Variants in SDAD1 observed in about 807,000 individuals in gnomAD.
SDAD1 encodes the protein protein SDA1 homolog.
SDAD1 carries 79 observed loss-of-function variants against 100.3 expected under a neutral mutation model. That is an observed-to-expected ratio of 0.79 (90% CI 0.66 to 0.95). SDAD1 has a LOEUF of 0.95. SDAD1 is among the 40% of genes least tolerant of loss of function. SDAD1 has a pLI of 0.00. For missense variants in SDAD1, 790 were observed against 810.9 expected (o/e 0.97, Z 0.31); for synonymous variants, 267 against 271.4 (o/e 0.98, Z 0.16).
intron 1 of SDAD1, 123 bp downstream of exon 1, chr4:75,990,629 C>T (rs1410710520): frequency 1.0e-5 from 16 of 1,594,618 alleles, no homozygotes; most frequent in African/African-American, 1.3e-5. Context: ...TCTGGAGGGA[C>T]CCCTGAACCT....
At position 75,961,248 on chromosome 4, in the gene SDAD1, G is replaced by C. The variant is rs772691754; in HGVS notation, c.1242C>G (p.Leu414=). The C allele has an allele frequency of 3.1e-6, 5 of 1,613,910 alleles. No homozygotes were observed. The highest frequency in any genetic ancestry group is 3.3e-5 in the Admixed American group (2 of 59,994). The stretch of plus-strand genomic sequence containing the variant: ...GTGTTTTATACTGAGCCAGGTCTTG[G>C]AGAAGTTCTTCAGTCATGGCCAGAG... ...RCPLAMTEEL[L]QDLAQYKTHK... The change falls in exon 15 of 22, where the codon CTC becomes CTG. Residue 414 remains leucine (L), a synonymous_variant. Transcript: ENST00000356260.
At chr4:75,979,569 A>G (rs1730372065) in intron 3 of SDAD1, among the ~76,000 whole-genome samples, 1 of 151,282 alleles carries the variant, frequency 6.6e-6, no homozygotes, top group Non-Finnish European at 1.5e-5. Context: ...AATTCTCCTG[A>G]CTGAGCCTCC....
At chr4:75,955,529 C>T (rs548410570) in intron 21 of SDAD1, among the ~76,000 whole-genome samples, 1 of 152,308 alleles carries the variant, frequency 6.6e-6, no homozygotes, top group African/African-American at 2.4e-5. Flanking sequence ...TGTGACTGCA[C>T]CACTGCACTC....
intron 21 of SDAD1, among the ~76,000 whole-genome samples, chr4:75,951,531 A>C (rs3796483): frequency 6.6e-6 from 1 of 152,018 alleles, no homozygotes; most frequent in Non-Finnish European, 1.5e-5. Context: ...GTGAACATGA[A>C]GAATGAAAGC....
At chr4:75,974,394 G>A in intron 6 of SDAD1, among the ~76,000 whole-genome samples, 1 of 127,780 alleles carries the variant, frequency 7.8e-6, no homozygotes, top group South Asian at 2.6e-4. Context: ...TAGGAAGCTA[G>A]TCAAGTGCAA....
intron 12 of SDAD1, 152 bp downstream of exon 12, chr4:75,967,125 T>C (rs1030039442): frequency 1.0e-5 from 7 of 684,246 alleles, no homozygotes; most frequent in South Asian, 2.1e-5. Context: ...GACAAACCCA[T>C]AGCAAACTCT....
chr4:75,977,697 C>T lies in SDAD1; in HGVS notation c.354G>A (p.Leu118=). Residue 118 remains leucine, a synonymous_variant, in exon 4 of 22, where the codon CTG becomes CTA. Transcript: ENST00000356260. ...RNKNLINPSS[L]LELFFELFRC... is the part of the protein sequence containing the mutation. ...GAAAAAGTTCAAAGAAGAGTTCTAG[C>T]AGGCTTGATGGATTGATGAGATTCT... 1 of 1,613,574 alleles carries T rather than the reference C, an allele frequency of 6.2e-7. No homozygotes were observed. The highest frequency in any genetic ancestry group is 1.7e-5 in the Admixed American group (1 of 59,970).
At chr4:75,990,679 T>G (rs751950780) in intron 1 of SDAD1, 73 bp downstream of exon 1, 23 of 1,607,694 alleles carry the variant, frequency 1.4e-5, no homozygotes, top group Non-Finnish European at 1.9e-5. Flanking sequence ...CCAGCCCCAC[T>G]CCATGCTTTC....
In SDAD1 at chr4:75,983,414, G is replaced by A. The variant is rs576078098; in HGVS notation, c.91-1377C>T. Among the ~76,000 whole-genome samples the A allele has an allele frequency of 3.3e-5, 5 of 152,322 alleles. No individual in the cohort carries two copies. In the South Asian group the frequency reaches 1.0e-3, roughly 32 times the overall value. ...ACTAATTTACACTCCCACCAACAGT[G>A]TAAAAGAGTTCCTATTTCTCCACAT... On this transcript the variant is annotated intron_variant, in intron 1 of 21. Coordinates refer to ENST00000356260, the MANE Select transcript of SDAD1 (RefSeq NM_018115.4).
chr4:75,957,979 G>A, intron 17 of SDAD1, 38 bp from the exon 18 acceptor site: 1 of 1,513,360 alleles, frequency 6.6e-7, no homozygotes. Flanking sequence ...GCCATTTTAT[G>A]TTGCACATTC....
At chr4:75,969,456 A>G (rs918468474) in intron 10 of SDAD1, 57 bp from the exon 11 acceptor site, 13 of 1,156,884 alleles carry the variant, frequency 1.1e-5, no homozygotes, top group Admixed American at 8.8e-5. Flanking sequence ...TGTGACATTT[A>G]TGTAACAGGC....
chr4:75,965,465 G>T (rs1729483550), intron 13 of SDAD1, among the ~76,000 whole-genome samples: 1 of 151,978 alleles, frequency 6.6e-6, no homozygotes, highest in African/African-American at 2.4e-5. Context: ...TGATCTCTGT[G>T]ACCCACACTC....
At chr4:75,970,197 T>C (rs1729784955) in intron 10 of SDAD1, 112 bp downstream of exon 10, 1 of 822,664 alleles carries the variant, frequency 1.2e-6, no homozygotes, top group Non-Finnish European at 2.0e-6. Flanking sequence ...TAAGCATTTA[T>C]TGACTATCTA....
At chr4:75,980,002 ATTAAT>A (rs61421221) in intron 3 of SDAD1, among the ~76,000 whole-genome samples, 35,273 of 151,814 alleles carry the variant, frequency 0.23, 4,738 homozygotes, top group East Asian at 0.5. Context: ...TGGCATATAT[ATTAAT>A]TTAATAATGC....
intron 8 of SDAD1, among the ~76,000 whole-genome samples, chr4:75,971,846 T>C (rs572763934): frequency 6.6e-6 from 1 of 152,056 alleles, no homozygotes; most frequent in South Asian, 2.1e-4. Context: ...CACTCCAGCC[T>C]GTCTCAAAAA....
intron 3 of SDAD1, among the ~76,000 whole-genome samples, chr4:75,979,434 G>A (rs1041687542): frequency 2.6e-5 from 4 of 151,752 alleles, no homozygotes; most frequent in South Asian, 2.1e-4. Context: ...CTATACAGAC[G>A]CAATCCTTTA....
chr4:75,962,844 C>T (rs552054474), intron 14 of SDAD1, among the ~76,000 whole-genome samples: 1 of 152,052 alleles, frequency 6.6e-6, no homozygotes, highest in Non-Finnish European at 1.5e-5. Flanking sequence ...CTGTAGGTTG[C>T]CTGTTCACTC....
intron 10 of SDAD1, among the ~76,000 whole-genome samples, chr4:75,969,720 C>T (rs1729757255): frequency 6.6e-6 from 1 of 152,138 alleles, no homozygotes; most frequent in Admixed American, 6.5e-5. Flanking sequence ...GCTCAGGCCC[C>T]ACCTCCCCAG....
chr4:75,968,288 G>A (rs1220768655), intron 11 of SDAD1, among the ~76,000 whole-genome samples: 3 of 152,142 alleles, frequency 2.0e-5, no homozygotes, highest in Non-Finnish European at 4.4e-5. Context: ...AATGTTAACA[G>A]GTTTTTCTCA....
Sources: gnomAD v4.1 joint callset for allele counts (sites outside exome capture counted in the v4.1 genomes callset) on GRCh38, gnomAD v4.1.1 for gene constraint, MANE v1.5 for transcripts, NCBI Gene and HGNC (gene_info 2026-07-23, HGNC 2026-07-21) for gene names.